Variants in LRP5 observed in about 807,000 individuals in gnomAD.
LRP5 encodes the protein low-density lipoprotein receptor-related protein 5.
LRP5 carries 62 observed loss-of-function variants against 154.1 expected under a neutral mutation model. The ratio of observed to expected loss-of-function variants is 0.40; its 90% CI spans 0.33 to 0.50. LRP5 has a LOEUF of 0.50. Ranked by LOEUF, LRP5 falls within the 20% of genes least tolerant of loss-of-function variation. The pLI, the probability that LRP5 is intolerant of heterozygous loss-of-function variation, is 0.55. For synonymous variants in LRP5, 966 were observed against 1,011.5 expected (o/e 0.96, Z 0.85); for missense variants, 1,915 against 2,336.7 (o/e 0.82, Z 3.72).
chr11:68,303,115 CTTAAG>C, the LRP5 span, among the ~76,000 whole-genome samples: 4 of 152,162 alleles, frequency 2.6e-5, no homozygotes, highest in Non-Finnish European at 4.4e-5. Context: ...TTTAAATAAA[CTTAAG>C]TTATTTATGT....
intron 11 of LRP5, among the ~76,000 whole-genome samples, chr11:68,412,479 A>G (rs1163893321): frequency 6.6e-6 from 1 of 151,988 alleles, no homozygotes; most frequent in East Asian, 1.9e-4. Context: ...CATCTCTACA[A>G]AAAAATTTTT....
intron 5 of LRP5, among the ~76,000 whole-genome samples, chr11:68,385,879 T>C (rs187663871): frequency 7.9e-5 from 12 of 152,170 alleles, no homozygotes; most frequent in African/African-American, 2.9e-4. Context: ...AAGGTGGGCA[T>C]GCTGGGGACG....
intron 1 of LRP5, among the ~76,000 whole-genome samples, chr11:68,323,664 C>G (rs545131973): frequency 2.6e-5 from 4 of 152,336 alleles, no homozygotes; most frequent in Admixed American, 1.3e-4. Context: ...AAGTGATCCT[C>G]TTGCCTCAGC....
chr11:68,365,435 T>A, intron 4 of LRP5, 136 bp from the exon 5 acceptor site: 1 of 1,304,476 alleles, frequency 7.7e-7, no homozygotes, highest in South Asian at 1.2e-5. Flanking sequence ...AGGTCCCTGA[T>A]GCCACTTGAG....
At chr11:68,409,051 G>GGA (rs1395621273) in intron 9 of LRP5, among the ~76,000 whole-genome samples, 12 of 51,420 alleles carry the variant, frequency 2.3e-4, no homozygotes, top group African/African-American at 1.1e-3. Context: ...CTTATCTGGG[G>GGA]AAAAAAAAAA....
intron 1 of LRP5, among the ~76,000 whole-genome samples, chr11:68,326,866 CG>C (rs1399661253): frequency 6.6e-6 from 1 of 152,180 alleles, no homozygotes; most frequent in African/African-American, 2.4e-5. Context: ...GAGGGGTCCC[CG>C]GGGAGGCATG....
chr11:68,346,820 T>C lies in LRP5; in HGVS notation c.92-1027T>C, dbSNP rs549536797. ...CCTTAACCTCCTCCTGTCCACATCT[T>C]GTGTTCACTCCTCATGTGGCTTCTT... is the stretch of plus-strand genomic sequence containing the variant. On this transcript the variant is annotated intron_variant, in intron 1 of 22. Transcript: ENST00000294304. 2.6e-4 allele frequency among the ~76,000 whole-genome samples: 40 copies of C among 152,322 alleles called. 1 individual carries two copies. Among genetic ancestry groups the C allele is most frequent in the Middle Eastern group, 3.4e-3 (1 of 294 alleles).
At chr11:68,419,134 A>G (rs1242398623) in intron 13 of LRP5, among the ~76,000 whole-genome samples, 1 of 152,196 alleles carries the variant, frequency 6.6e-6, no homozygotes, top group Non-Finnish European at 1.5e-5. Flanking sequence ...GATGGTGTCT[A>G]AATTATCATC....
chr11:68,337,620 C>T (rs562980651), intron 1 of LRP5, among the ~76,000 whole-genome samples: 24 of 152,192 alleles, frequency 1.6e-4, no homozygotes, highest in African/African-American at 5.8e-4. Context: ...ACTCTAACCG[C>T]AGCCAGATCT....
Position 68,386,762 on chromosome 11 carries a change from G to A in LRP5, c.1412+50G>A. On this transcript the variant is annotated intron_variant, in intron 6 of 22. Transcript: ENST00000294304. This position sits in a 1 kb window ranked among gnomAD's most constrained non-coding sequence, Gnocchi z 7.9. ...TGGAGCCAGGGCCAGGCCAAGCACA[G>A]GCGAGAGGGAGATTGACCTGGACCT... 6.3e-7 allele frequency: 1 copy of A among 1,579,620 alleles called. No individual in the cohort carries two copies. The highest frequency in any genetic ancestry group is 8.6e-7 in the Non-Finnish European group (1 of 1,160,122).
intron 18 of LRP5, among the ~76,000 whole-genome samples, chr11:68,434,150 A>G (rs893992283): frequency 3.9e-5 from 6 of 152,102 alleles, no homozygotes; most frequent in African/African-American, 1.4e-4. Context: ...CACCCTGGAA[A>G]ATCCGCCCCC....
chr11:68,410,582 T>A (rs2098658900), intron 10 of LRP5, among the ~76,000 whole-genome samples: 1 of 152,180 alleles, frequency 6.6e-6, no homozygotes, highest in African/African-American at 2.4e-5. Flanking sequence ...CAGAACTGAC[T>A]TTGAGGTCCC....
chr11:68,355,954 C>T (rs1286738728), intron 2 of LRP5, among the ~76,000 whole-genome samples: 1 of 152,072 alleles, frequency 6.6e-6, no homozygotes, highest in African/African-American at 2.4e-5. Flanking sequence ...ATTCTCCTGC[C>T]TCAGCCTCCC....
At chr11:68,307,482 T>A in the LRP5 span, among the ~76,000 whole-genome samples, 1 of 152,010 alleles carries the variant, frequency 6.6e-6, no homozygotes, top group Non-Finnish European at 1.5e-5. Context: ...CTGGGCAATA[T>A]AGTGAAACCC....
intron 21 of LRP5, among the ~76,000 whole-genome samples, chr11:68,442,009 ACT>A (rs1565120386): frequency 6.6e-6 from 1 of 151,750 alleles, no homozygotes; most frequent in East Asian, 1.9e-4. Flanking sequence ...GCCAAGCAGG[ACT>A]CCCTGGGAGG....
intron 1 of LRP5, among the ~76,000 whole-genome samples, chr11:68,328,126 G>A (rs2098600711): frequency 6.6e-6 from 1 of 152,224 alleles, no homozygotes; most frequent in South Asian, 2.1e-4. Flanking sequence ...CCCCAAATCT[G>A]TCCAGTTCCC....
In LRP5 at chr11:68,394,951, G is replaced by A. The variant is rs149910261; in HGVS notation, c.1584+4899G>A. 1.4e-3 allele frequency among the ~76,000 whole-genome samples: 213 copies of A among 152,242 alleles called. 2 individuals carry two copies. The highest frequency in any genetic ancestry group is 4.7e-3 in the African/African-American group (195 of 41,544). ...ATCCTTGGCTTTCAAAATGGGCCAG[G>A]GAGAGACACCCTCTGAGCATGGTAG... is the stretch of plus-strand genomic sequence containing the variant. On this transcript the variant is annotated intron_variant, in intron 7 of 22. Transcript: ENST00000294304.
rs910356929 is a variant in LRP5, at chr11:68,347,993, A to G, written c.238A>G (p.Thr80Ala). The change falls in exon 2 of 23, where the codon ACA becomes GCA. Residue 80 changes from threonine (T) to alanine (A), a missense_variant. Coordinates refer to ENST00000294304, the MANE Select transcript of LRP5 (RefSeq NM_002335.4). ...FQFSKGAVYW[T>A]DVSEEAIKQT... ...GTTTTCCAAGGGAGCCGTGTACTGG[A>G]CAGACGTGAGCGAGGAGGCCATCAA... 3 of 1,614,088 alleles carry G rather than the reference A, an allele frequency of 1.9e-6. No individual in the cohort carries two copies. The highest frequency in any genetic ancestry group is 2.5e-6 in the Non-Finnish European group (3 of 1,180,026).
intron 16 of LRP5, among the ~76,000 whole-genome samples, chr11:68,428,867 G>A (rs1397269203): frequency 1.0e-5 from 1 of 95,724 alleles, no homozygotes; most frequent in Non-Finnish European, 2.0e-5. Context: ...GATCACTTGA[G>A]CCCAGGAGTT....
Sources: allele counts gnomAD v4.1 joint callset (sites outside exome capture counted in the v4.1 genomes callset), GRCh38; gene constraint gnomAD v4.1.1; non-coding constraint Gnocchi (gnomAD v3.1); transcripts MANE v1.5; gene names NCBI Gene and HGNC (gene_info 2026-07-23, HGNC 2026-07-21).